ZNF365: variants seen among roughly 807,000 people sequenced by gnomAD.
ZNF365 encodes the protein protein ZNF365.
A neutral mutation model predicts 35.0 loss-of-function variants in ZNF365; 22 were observed. That is an observed-to-expected ratio of 0.63 (90% confidence interval 0.45 to 0.90). The LOEUF is 0.90. Among genes scored for constraint, ZNF365 ranks in the 40% least tolerant of loss-of-function variants. The probability of loss-of-function intolerance (pLI) is 0.00; values close to 1 mark genes in which losing one functional copy is unlikely to be tolerated. For missense variants in ZNF365, 448 were observed against 500.3 expected (o/e 0.90, Z 1.00); for synonymous variants, 188 against 196.2 (o/e 0.96, Z 0.35).
intron 1 of ZNF365, 109 bp downstream of exon 1, chr10:62,374,567 G>C (rs1178213127): frequency 6.6e-6 from 1 of 152,276 alleles, no homozygotes; most frequent in African/African-American, 2.4e-5. Context: ...GCGGGGAGTT[G>C]GGAGAGCCGG....
intron 3 of ZNF365, among the ~76,000 whole-genome samples, chr10:62,407,783 G>A (rs1050683077): frequency 1.3e-5 from 2 of 152,130 alleles, no homozygotes; most frequent in Non-Finnish European, 2.9e-5. Context: ...GAAAATACAT[G>A]GTATTTCCTT....
At chr10:62,384,862 G>C (rs1839501611) in intron 2 of ZNF365, among the ~76,000 whole-genome samples, 1 of 152,192 alleles carries the variant, frequency 6.6e-6, no homozygotes, top group African/African-American at 2.4e-5. Flanking sequence ...GTGTAATTAT[G>C]AAAGAGGTTA....
At chr10:62,453,271 T>C (rs1452327693) in intron 3 of ZNF365, among the ~76,000 whole-genome samples, 1 of 152,140 alleles carries the variant, frequency 6.6e-6, no homozygotes, top group African/African-American at 2.4e-5. Flanking sequence ...TTTCTTACCA[T>C]CCACATCCCT....
intron 3 of ZNF365, among the ~76,000 whole-genome samples, chr10:62,444,899 A>G (rs1379120631): frequency 6.6e-6 from 1 of 152,014 alleles, no homozygotes; most frequent in Non-Finnish European, 1.5e-5. Flanking sequence ...AGTATTAGGT[A>G]TATCTCCTAA....
chr10:62,437,593 TAACA>T (rs915186736), intron 3 of ZNF365, among the ~76,000 whole-genome samples: 1 of 152,222 alleles, frequency 6.6e-6, no homozygotes, highest in African/African-American at 2.4e-5. Context: ...TCCAGGCAGT[TAACA>T]AACAGCCAGA....
exon 5 of ZNF365, chr10:62,480,079 G>A: frequency 7.5e-7 from 1 of 1,334,174 alleles, no homozygotes; most frequent in Non-Finnish European, 9.8e-7. Flanking sequence ...TCAGACTCCT[G>A]ATGGATGAGC....
chr10:62,470,218 G>A (rs1841011856), intron 4 of ZNF365, among the ~76,000 whole-genome samples: 1 of 152,184 alleles, frequency 6.6e-6, no homozygotes, highest in Non-Finnish European at 1.5e-5. Flanking sequence ...AAAGTCCTTG[G>A]AGGATTTGTT....
At chr10:62,466,814 T>C (rs548758674) in intron 4 of ZNF365, among the ~76,000 whole-genome samples, 36 of 152,266 alleles carry the variant, frequency 2.4e-4, no homozygotes, top group Admixed American at 2.1e-3. Flanking sequence ...ACTGTTTTTA[T>C]TTTTTGGGAC....
chr10:62,446,861 C>T (rs866594602), intron 3 of ZNF365, among the ~76,000 whole-genome samples: 2 of 151,662 alleles, frequency 1.3e-5, no homozygotes, highest in South Asian at 2.1e-4. Context: ...GTGTGGGAGG[C>T]GGTAGTGGAG....
intron 3 of ZNF365, among the ~76,000 whole-genome samples, chr10:62,439,054 G>A (rs1840452034): frequency 6.6e-6 from 1 of 152,090 alleles, no homozygotes; most frequent in African/African-American, 2.4e-5. Context: ...TTATTCTAAT[G>A]GTATGAATAT....
chr10:62,449,460 T>C (rs1840643627), intron 3 of ZNF365, among the ~76,000 whole-genome samples: 1 of 152,200 alleles, frequency 6.6e-6, no homozygotes, highest in South Asian at 2.1e-4. Flanking sequence ...TATGTTTGTA[T>C]TTTATATTTT....
intron 2 of ZNF365, among the ~76,000 whole-genome samples, chr10:62,382,446 C>T (rs926472349): frequency 6.6e-6 from 1 of 152,166 alleles, no homozygotes; most frequent in Admixed American, 6.5e-5. Context: ...CAAGCATATC[C>T]TCTCAGGGTT....
chr10:62,405,476 C>T (rs964555664), downstream of ZNF365, among the ~76,000 whole-genome samples: 2 of 152,120 alleles, frequency 1.3e-5, no homozygotes, highest in Admixed American at 6.5e-5. Flanking sequence ...AGCCAATGCT[C>T]CTTCACCGTG....
chr10:62,446,808 T>A (rs1840597189), intron 3 of ZNF365, among the ~76,000 whole-genome samples: 2 of 152,290 alleles, frequency 1.3e-5, no homozygotes, highest in South Asian at 4.1e-4. Context: ...TTCCCTGCTC[T>A]GGCCTGGGAC....
At chr10:62,395,011 A>G (rs1398599735) in intron 3 of ZNF365, among the ~76,000 whole-genome samples, 1 of 152,004 alleles carries the variant, frequency 6.6e-6, no homozygotes, top group Non-Finnish European at 1.5e-5. Flanking sequence ...AGCAAGAGGG[A>G]GAGAGTGGGG....
Position 62,399,642 on chromosome 10 carries a change from T to C in ZNF365, c.1077T>C (p.Pro359=). 6.2e-7 allele frequency: 1 copy of C among 1,614,134 alleles called. No individual in the cohort carries two copies. The highest frequency in any genetic ancestry group is 8.5e-7 in the Non-Finnish European group (1 of 1,180,028). The change falls in exon 5 of 5, where the codon CCT becomes CCC. Residue 359 remains proline, a synonymous_variant. Transcript: ENST00000395254. ...AGGATGACAGAGCCAGCATGCAGCC[T>C]GCCAAGGCCATTCACGAACAGGCTG... ...KAKDDRASMQ[P]AKAIHEQAES...
At chr10:62,446,289 G>A (rs1419071113) in intron 3 of ZNF365, among the ~76,000 whole-genome samples, 1 of 152,008 alleles carries the variant, frequency 6.6e-6, no homozygotes, top group Admixed American at 6.6e-5. Flanking sequence ...AGTAGTGAAA[G>A]CACCATCTCT....
chr10:62,469,603 C>T (rs1043899798), intron 4 of ZNF365, among the ~76,000 whole-genome samples: 3 of 151,974 alleles, frequency 2.0e-5, no homozygotes, highest in African/African-American at 7.3e-5. Flanking sequence ...TTTTTGAAGT[C>T]TCATTATACA....
In ZNF365 at chr10:62,399,570, C is replaced by G. The variant is rs774140511; in HGVS notation, c.1005C>G (p.Leu335=). 6.2e-7 allele frequency: 1 copy of G among 1,614,108 alleles called. No individual in the cohort carries two copies. Among genetic ancestry groups the G allele is most frequent in the East Asian group, 2.2e-5 (1 of 44,884 alleles). ...HPHSVCNHPD[L]KAHFHPKGRN... ...ATTCGGTATGTAACCACCCTGATCT[C>G]AAGGCCCATTTCCACCCAAAGGGAA... The change falls in exon 5 of 5, where the codon CTC becomes CTG. Residue 335 remains leucine (L), a synonymous_variant. Coordinates refer to ENST00000395254, the MANE Select transcript of ZNF365 (RefSeq NM_014951.3).
Sources: allele counts gnomAD v4.1 joint callset (sites outside exome capture counted in the v4.1 genomes callset), GRCh38; gene constraint gnomAD v4.1.1; transcripts MANE v1.5; gene names NCBI Gene and HGNC (gene_info 2026-07-23, HGNC 2026-07-21).